The following VAMP4 variants were observed in gnomAD, a reference collection of about 807,000 sequenced individuals.
VAMP4 encodes vesicle-associated membrane protein 4.
Under a neutral mutation model 23.5 loss-of-function variants are expected in VAMP4, and 19 were observed. The ratio of observed to expected loss-of-function variants is 0.81; its 90% confidence interval spans 0.56 to 1.19. The LOEUF (loss-of-function observed/expected upper bound fraction) is 1.19, where lower values mean the gene tolerates loss of function less well. Ranked by LOEUF, VAMP4 falls within the 50% of genes most tolerant of loss-of-function variation. The pLI is 0.00. For missense variants in VAMP4, 145 were observed against 168.6 expected (o/e 0.86, Z 0.78); for synonymous variants, 31 against 51.0 (o/e 0.61, Z 1.67).
rs924499753 is a variant in VAMP4, at chr1:171,710,909, C to A, written c.165-95G>T. ...TAGACATAATAAAGAATAGCAAATT[C>A]TCAGAGAATTATTCAACTATAAAAT... On this transcript the variant is annotated intron_variant, in intron 4 of 7. Transcript: ENST00000236192. 1.3e-5 allele frequency: 11 copies of A among 852,346 alleles called. No individual in the cohort carries two copies. In the African/African-American group the frequency reaches 1.9e-4, roughly 15 times the overall value. The allele number at this position is 852,346 out of a possible 1,614,324, so 52.8% of individuals were successfully genotyped here. A position where few individuals can be genotyped will look rare whatever the true frequency, so the allele number is the denominator to read the frequency against.
At chr1:171,719,954 C>A (rs1655137866) in intron 3 of VAMP4, among the ~76,000 whole-genome samples, 1 of 151,472 alleles carries the variant, frequency 6.6e-6, no homozygotes, top group Admixed American at 6.6e-5. Flanking sequence ...CAAAAGAAAC[C>A]AGGTTCTTAG....
At position 171,703,176 on chromosome 1, in the gene VAMP4, T is replaced by G. The variant is rs1654505919; in HGVS notation, c.*1330A>C. On this transcript the variant is annotated 3_prime_UTR_variant, in exon 8 of 8. Transcript: ENST00000236192. ...GTTTTATATTCATATTGTCAAGATA[T>G]CCAGTGCACAAGTTTCTGCAGAATC... The G allele has an allele frequency of 6.6e-6, 1 of 151,608 alleles. No individual in the cohort carries two copies. The highest frequency in any genetic ancestry group is 2.4e-5 in the African/African-American group (1 of 41,328). 9.4% of individuals were successfully genotyped at this position (151,608 alleles called of 1,614,324 possible). A position where few individuals can be genotyped will look rare whatever the true frequency, so the allele number is the denominator to read the frequency against.
At chr1:171,724,822 T>C (rs772358638) in intron 3 of VAMP4, among the ~76,000 whole-genome samples, 2 of 152,192 alleles carry the variant, frequency 1.3e-5, no homozygotes, top group Non-Finnish European at 2.9e-5. Flanking sequence ...CACAACTTAC[T>C]ATAAAGTCGT....
intron 4 of VAMP4, among the ~76,000 whole-genome samples, chr1:171,717,618 C>CT (rs11301465): frequency 3.1e-4 from 46 of 149,608 alleles, no homozygotes; most frequent in African/African-American, 5.9e-4. Flanking sequence ...TTGACCTCCC[C>CT]TTTTTTTTTT....
intron 2 of VAMP4, among the ~76,000 whole-genome samples, chr1:171,736,573 A>G (rs1202506467): frequency 6.6e-6 from 1 of 152,228 alleles, no homozygotes; most frequent in East Asian, 1.9e-4. Flanking sequence ...CATGGAAATC[A>G]TTGGTGACTC....
intron 1 of VAMP4, among the ~76,000 whole-genome samples, chr1:171,740,240 G>T (rs1298588322): frequency 1.3e-5 from 2 of 152,178 alleles, no homozygotes; most frequent in East Asian, 3.8e-4. Context: ...TGCCCATCAG[G>T]TTTACAGAAT....
At chr1:171,717,635 A>C (rs1655062704) in intron 4 of VAMP4, among the ~76,000 whole-genome samples, 1 of 151,548 alleles carries the variant, frequency 6.6e-6, no homozygotes, top group Non-Finnish European at 1.5e-5. Flanking sequence ...TTTTAAGAGA[A>C]GGGGGTTTCA....
chr1:171,709,364 G>T (rs1440149489), intron 6 of VAMP4, among the ~76,000 whole-genome samples: 1 of 151,950 alleles, frequency 6.6e-6, no homozygotes, highest in Non-Finnish European at 1.5e-5. Flanking sequence ...TAAATTTCAA[G>T]AAAAAATGTA....
Position 171,701,701 on chromosome 1 carries a change from T to C in VAMP4, c.*2805A>G, listed in dbSNP as rs1338591469. ...ATGTCTATTAATTACCCTTCCTCCA[T>C]CTTATATAATATTCCATCTTCAGTA... On this transcript the variant is annotated 3_prime_UTR_variant, in exon 8 of 8. Transcript: ENST00000236192. The C allele has an allele frequency of 6.6e-6, 1 of 152,138 alleles. No individual in the cohort carries two copies. The highest frequency in any genetic ancestry group is 1.5e-5 in the Non-Finnish European group (1 of 67,986). The allele number at this position is 152,138 out of a possible 1,614,324, so 9.4% of individuals were successfully genotyped here. A position where few individuals can be genotyped will look rare whatever the true frequency, so the allele number is the denominator to read the frequency against.
rs1558102108 is a variant in VAMP4 at position 171,700,245 on chromosome 1, A to C, written c.*4261T>G. On this transcript the variant is annotated 3_prime_UTR_variant, in exon 8 of 8. Coordinates refer to ENST00000236192, the MANE Select transcript of VAMP4 (RefSeq NM_003762.5). ...TTCTGATATTAACACAAAGGTCTAA[A>C]CTTTGCAACACTGGTAAAAATGGTT... is the stretch of plus-strand genomic sequence containing the variant. 1 of 152,206 alleles carries C rather than the reference A, an allele frequency of 6.6e-6. No individual in the cohort carries two copies. Among genetic ancestry groups the C allele is most frequent in the Non-Finnish European group, 1.5e-5 (1 of 68,038 alleles). 9.4% of individuals were successfully genotyped at this position (152,206 alleles called of 1,614,324 possible). A position where few individuals can be genotyped will look rare whatever the true frequency, so the allele number is the denominator to read the frequency against.
Position 171,703,423 on chromosome 1 carries a change from GTGTATATATATATATATATATATA to G in VAMP4, c.*1059_*1082del, listed in dbSNP as rs1268532705. 3.7e-5 allele frequency: 3 copies of G among 81,948 alleles called. No homozygotes were observed. The highest frequency in any genetic ancestry group is 9.7e-5 in the African/African-American group (2 of 20,654). 5.1% of individuals were successfully genotyped at this position (81,948 alleles called of 1,614,324 possible). A position where few individuals can be genotyped will look rare whatever the true frequency, so the allele number is the denominator to read the frequency against. ...TGTGTGTGTGTGTGTGTGTGTTTGT[GTGTATATATATATATATATATATA>G]TATATATATATATATATATATACAC... On this transcript the variant is annotated 3_prime_UTR_variant, in exon 8 of 8. Coordinates refer to ENST00000236192, the MANE Select transcript of VAMP4 (RefSeq NM_003762.5).
At chr1:171,720,473 A>T (rs1363866414) in intron 3 of VAMP4, among the ~76,000 whole-genome samples, 1 of 151,964 alleles carries the variant, frequency 6.6e-6, no homozygotes, top group African/African-American at 2.4e-5. Context: ...TTAAAACTTG[A>T]TAAACTTCTA....
intron 4 of VAMP4, among the ~76,000 whole-genome samples, chr1:171,713,112 A>G (rs1654904972): frequency 6.6e-6 from 1 of 152,214 alleles, no homozygotes; most frequent in Non-Finnish European, 1.5e-5. Flanking sequence ...CATGGGGCAG[A>G]GTGGCCATTC....
Position 171,706,375 on chromosome 1 carries a change from A to C in VAMP4, c.389T>G (p.Val130Gly), listed in dbSNP as rs765510273. The change falls in exon 7 of 8, where the codon GTG becomes GGG. Residue 130 changes from valine to glycine, a missense_variant. By Grantham distance (109) the Val-to-Gly change is moderately radical. Transcript: ENST00000236192. ...ATCCAATAAATACTTACTGATAATC[A>C]CTAGCAAAAGGATAGCAGCAACCAA... ...MALVAAILLL[V>G]IIILIVMKYR... The C allele has an allele frequency of 6.2e-7, 1 of 1,609,996 alleles. No individual in the cohort carries two copies. Among genetic ancestry groups the C allele is most frequent in the South Asian group, 1.1e-5 (1 of 90,402 alleles).
intron 2 of VAMP4, among the ~76,000 whole-genome samples, chr1:171,730,396 C>A (rs1655523337): frequency 6.6e-6 from 1 of 152,072 alleles, no homozygotes; most frequent in African/African-American, 2.4e-5. Flanking sequence ...GATAATGTGA[C>A]TGTAAACAAT....
In VAMP4 at chr1:171,702,191, T is replaced by C. The variant is rs887763863; in HGVS notation, c.*2315A>G. The C allele has an allele frequency of 1.3e-5, 2 of 152,008 alleles. No homozygotes were observed. The highest frequency in any genetic ancestry group is 2.9e-5 in the Non-Finnish European group (2 of 67,922). The allele number at this position is 152,008 out of a possible 1,614,324, so 9.4% of individuals were successfully genotyped here. ...TTTTGATCGTAAGAGGGCTTATATC[T>C]CCAAGGTTACCACAATAAAGTCATA... is the stretch of plus-strand genomic sequence containing the variant. On this transcript the variant is annotated 3_prime_UTR_variant, in exon 8 of 8. Coordinates refer to ENST00000236192, the MANE Select transcript of VAMP4 (RefSeq NM_003762.5).
chr1:171,718,084 T>C (rs1274830312), intron 4 of VAMP4, among the ~76,000 whole-genome samples: 2 of 152,188 alleles, frequency 1.3e-5, no homozygotes, highest in African/African-American at 2.4e-5. Context: ...TAAATGTGTG[T>C]TGTTTTAAGC....
chr1:171,706,394 C>A lies in VAMP4; in HGVS notation c.370G>T (p.Ala124Ser), dbSNP rs751972487. The A allele has an allele frequency of 1.2e-6, 2 of 1,609,350 alleles. No individual in the cohort carries two copies. The highest frequency in any genetic ancestry group is 1.7e-6 in the Non-Finnish European group (2 of 1,177,638). Residue 124 changes from alanine to serine, a missense_variant, in exon 7 of 8, where the codon GCT (alanine) becomes TCT (serine). Ala to Ser is a moderately conservative substitution (Grantham distance 99, BLOSUM62 1). Coordinates refer to ENST00000236192, the MANE Select transcript of VAMP4 (RefSeq NM_003762.5). ...ATAATCACTAGCAAAAGGATAGCAG[C>A]AACCAAAGCCATGATGGCTTTTATC... Reference protein sequence around the residue: ...CKIKAIMALVAAILLLVIIIL... With the variant: ...CKIKAIMALVSAILLLVIIIL...
intron 4 of VAMP4, among the ~76,000 whole-genome samples, chr1:171,715,789 C>T (rs1371452896): frequency 6.6e-6 from 1 of 151,966 alleles, no homozygotes; most frequent in African/African-American, 2.4e-5. Context: ...TGGGAGGATC[C>T]CTTGAGTCCA....
Sources: gnomAD v4.1 joint callset for allele counts (sites outside exome capture counted in the v4.1 genomes callset) on GRCh38, gnomAD v4.1.1 for gene constraint, MANE v1.5 for transcripts, NCBI Gene and HGNC (gene_info 2026-07-23, HGNC 2026-07-21) for gene names.